Variants in TMEM132C observed in about 807,000 individuals in gnomAD.
The protein encoded by TMEM132C is protein phosphatase 1, regulatory subunit 152.
Under a neutral mutation model 61.4 loss-of-function variants are expected in TMEM132C, and 29 were observed. That is an observed-to-expected ratio of 0.47 (90% CI 0.35 to 0.64). The LOEUF is 0.64. Among genes scored for constraint, TMEM132C ranks in the 30% least tolerant of loss-of-function variants. The pLI is 0.00. For missense variants in TMEM132C, 1,408 were observed against 1,476.9 expected, an observed-to-expected ratio of 0.95 and a Z score of 0.76; for synonymous variants, 656 against 633.1, an observed-to-expected ratio of 1.04 and a Z score of -0.54.
intron 4 of TMEM132C, among the ~76,000 whole-genome samples, chr12:128,646,951 A>T (rs1430058224): frequency 6.7e-6 from 1 of 149,288 alleles, no homozygotes; most frequent in Non-Finnish European, 1.5e-5. Flanking sequence ...ACTGGAGTCC[A>T]TCGGCGTTGG....
rs369756967 is a variant in TMEM132C at position 128,482,895 on chromosome 12, G to A, written c.975-61062G>A. On this transcript the variant is annotated intron_variant, in intron 2 of 8. Transcript: ENST00000435159. Reference sequence around the variant, plus strand: ...GTCCAGCACATCCCTGGGTGAGTGGGCAGATGGGTGTGTATGTGAACAGGG... The same window carrying A: ...GTCCAGCACATCCCTGGGTGAGTGGACAGATGGGTGTGTATGTGAACAGGG... Among the ~76,000 whole-genome samples the A allele has an allele frequency of 1.2e-4, 18 of 151,944 alleles. No individual in the cohort carries two copies. In the South Asian group the frequency reaches 3.3e-3, roughly 28 times the overall value.
At chr12:128,616,039 G>A (rs2135583710) in intron 3 of TMEM132C, 113 bp from the exon 4 acceptor site, 1 of 1,325,242 alleles carries the variant, frequency 7.5e-7, no homozygotes, top group South Asian at 1.6e-5. Flanking sequence ...CCAAAACCCT[G>A]GAGCCATCCC....
At chr12:128,573,406 A>G (rs1233698584) in intron 3 of TMEM132C, among the ~76,000 whole-genome samples, 1 of 152,074 alleles carries the variant, frequency 6.6e-6, no homozygotes. Context: ...GAACAATGAG[A>G]ACACTTGGAC....
chr12:128,396,896 T>A (rs995894526), intron 1 of TMEM132C, among the ~76,000 whole-genome samples: 2 of 152,260 alleles, frequency 1.3e-5, no homozygotes, highest in African/African-American at 4.8e-5. Flanking sequence ...GGCAGTTTAC[T>A]GTGGATAGCC....
chr12:128,504,143 C>T (rs1015209021), intron 2 of TMEM132C, among the ~76,000 whole-genome samples: 3 of 152,124 alleles, frequency 2.0e-5, no homozygotes, highest in African/African-American at 7.2e-5. Context: ...CTCAGGACAG[C>T]CCCAAGCTGT....
At chr12:128,565,300 A>G (rs1593101795) in intron 3 of TMEM132C, among the ~76,000 whole-genome samples, 1 of 152,308 alleles carries the variant, frequency 6.6e-6, no homozygotes, top group East Asian at 1.9e-4. Context: ...GGCCTCTCCT[A>G]CCACCTGGAT....
chr12:128,462,565 G>T (rs555298081), intron 2 of TMEM132C, among the ~76,000 whole-genome samples: 1 of 152,276 alleles, frequency 6.6e-6, no homozygotes, highest in Non-Finnish European at 1.5e-5. Flanking sequence ...CTTCACCACG[G>T]TGAAGACATG....
chr12:128,628,619 G>A (rs753636827), intron 4 of TMEM132C, among the ~76,000 whole-genome samples: 5 of 151,338 alleles, frequency 3.3e-5, no homozygotes, highest in East Asian at 1.9e-4. Context: ...TGTGGGCAGC[G>A]GACACTCTAT....
rs538900038 is a variant in TMEM132C, at chr12:128,320,059, A to G, written c.85+52572A>G. ...AAAAAAAACCTGTTGAATCAGCCCT[A>G]TAGTCCAATAAGGCACAACCCAAGT... is the stretch of plus-strand genomic sequence containing the variant. On this transcript the variant is annotated intron_variant, in intron 1 of 8. Transcript: ENST00000435159. Among the ~76,000 whole-genome samples the G allele has an allele frequency of 4.6e-4, 70 of 152,326 alleles. 1 individual carries two copies. Among genetic ancestry groups the G allele is most frequent in the African/African-American group, 1.5e-3 (62 of 41,590 alleles).
At chr12:128,537,973 C>T (rs184463951) in intron 2 of TMEM132C, among the ~76,000 whole-genome samples, 1 of 152,274 alleles carries the variant, frequency 6.6e-6, no homozygotes, top group East Asian at 1.9e-4. Context: ...AAGACAGGGT[C>T]TTACTCTGTT....
chr12:128,647,207 A>T (rs1311422526), intron 4 of TMEM132C, among the ~76,000 whole-genome samples: 17 of 139,368 alleles, frequency 1.2e-4, no homozygotes, highest in Non-Finnish European at 4.6e-5. Flanking sequence ...TCAGCGTTGG[A>T]TGTGTGTTTA....
In TMEM132C at chr12:128,616,272, C is replaced by T. The variant is rs1876797167; in HGVS notation, c.1242C>T (p.Asp414=). 2 of 1,551,890 alleles carry T rather than the reference C, an allele frequency of 1.3e-6. No homozygotes were observed. Among genetic ancestry groups the T allele is most frequent in the Admixed American group, 2.0e-5 (1 of 51,012 alleles). The change falls in exon 4 of 9, where the codon GAC becomes GAT. Residue 414 remains aspartate, a synonymous_variant. Coordinates refer to ENST00000435159, the MANE Select transcript of TMEM132C (RefSeq NM_001136103.3). ...QVEYPRKGTT[D]IAVSEIFVSQ... is the part of the protein sequence containing the mutation. ...AGTACCCACGGAAGGGGACCACAGA[C>T]ATCGCCGTGTCCGAGATCTTTGTCA...
chr12:128,537,979 C>G (rs1036724270), intron 2 of TMEM132C, among the ~76,000 whole-genome samples: 2 of 152,148 alleles, frequency 1.3e-5, no homozygotes, highest in Non-Finnish European at 2.9e-5. Context: ...GGGTCTTACT[C>G]TGTTGCCCAG....
At chr12:128,589,428 G>A (rs1316804224) in intron 3 of TMEM132C, among the ~76,000 whole-genome samples, 1 of 151,612 alleles carries the variant, frequency 6.6e-6, no homozygotes, top group Admixed American at 6.6e-5. Context: ...AACCCACACT[G>A]CCCGTCCGCC....
At chr12:128,352,359 TACTC>T (rs977633103) in intron 1 of TMEM132C, among the ~76,000 whole-genome samples, 5 of 152,058 alleles carry the variant, frequency 3.3e-5, no homozygotes, top group African/African-American at 1.2e-4. Flanking sequence ...CGTGAGAACT[TACTC>T]ACTGTCACAA....
chr12:128,267,793 C>G (rs192814722), intron 1 of TMEM132C, among the ~76,000 whole-genome samples: 108 of 152,304 alleles, frequency 7.1e-4, no homozygotes, highest in African/African-American at 2.5e-3. Flanking sequence ...TGTTTGTTCC[C>G]CATCCCTGAG....
intron 3 of TMEM132C, among the ~76,000 whole-genome samples, chr12:128,593,286 A>C (rs1875824265): frequency 1.6e-4 from 15 of 91,332 alleles, no homozygotes; most frequent in Admixed American, 2.1e-4. Context: ...TTCTGTCTCC[A>C]TTTTCCTTTT....
In TMEM132C at chr12:128,401,494, A is replaced by C. The variant is rs796511552; in HGVS notation, c.86-13238A>C. On this transcript the variant is annotated intron_variant, in intron 1 of 8. Coordinates refer to ENST00000435159, the MANE Select transcript of TMEM132C (RefSeq NM_001136103.3). ...GAGTCACCATGGGTGTGTCAGCCAC[A>C]GACGCAGACTGGTATAGCTATGTTG... is the stretch of plus-strand genomic sequence containing the variant. 1.5e-4 allele frequency among the ~76,000 whole-genome samples: 23 copies of C among 152,322 alleles called. 1 individual carries two copies. The highest frequency in any genetic ancestry group is 5.5e-4 in the African/African-American group (23 of 41,562).
intron 1 of TMEM132C, among the ~76,000 whole-genome samples, chr12:128,391,691 G>C (rs866446197): frequency 1.3e-5 from 2 of 152,168 alleles, no homozygotes; most frequent in Admixed American, 6.5e-5. Flanking sequence ...TCCACAGATA[G>C]GAAAACTAAG....
Sources: gnomAD v4.1 joint callset for allele counts (sites outside exome capture counted in the v4.1 genomes callset) on GRCh38, gnomAD v4.1.1 for gene constraint, MANE v1.5 for transcripts, NCBI Gene and HGNC (gene_info 2026-07-23, HGNC 2026-07-21) for gene names.